Variants in KCNH7 observed in about 807,000 individuals in gnomAD.
KCNH7 encodes voltage-gated inwardly rectifying potassium channel KCNH7.
Under a neutral mutation model 120.8 loss-of-function variants are expected in KCNH7, and 49 were observed. That is an observed-to-expected ratio of 0.41 (90% CI 0.32 to 0.51). The LOEUF is 0.51. Among genes scored for constraint, KCNH7 ranks in the 20% least tolerant of loss-of-function variants. The pLI, the probability that KCNH7 is intolerant of heterozygous loss-of-function variation, is 0.38. For synonymous variants in KCNH7, 547 were observed against 516.1 expected (o/e 1.06, Z -0.81); for missense variants, 1,097 against 1,446.6 (o/e 0.76, Z 3.92).
intron 2 of KCNH7, among the ~76,000 whole-genome samples, chr2:162,828,518 T>G (rs931053808): frequency 1.3e-5 from 2 of 151,554 alleles, no homozygotes; most frequent in Non-Finnish European, 2.9e-5. Flanking sequence ...TTTCAAAAAA[T>G]GCAAAAGAAT....
At chr2:162,633,963 A>G (rs1226635506) in intron 2 of KCNH7, among the ~76,000 whole-genome samples, 1 of 152,060 alleles carries the variant, frequency 6.6e-6, no homozygotes, top group African/African-American at 2.4e-5. Context: ...TAACTTATAT[A>G]AGTTTGACAA....
intron 2 of KCNH7, among the ~76,000 whole-genome samples, chr2:162,679,271 T>C (rs1488301673): frequency 6.6e-6 from 1 of 151,670 alleles, no homozygotes; most frequent in Non-Finnish European, 1.5e-5. Flanking sequence ...TGTATTCATA[T>C]CTTCAGTCAT....
intron 5 of KCNH7, among the ~76,000 whole-genome samples, chr2:162,505,832 A>T (rs1690858273): frequency 6.6e-6 from 1 of 151,910 alleles, no homozygotes; most frequent in African/African-American, 2.4e-5. Flanking sequence ...CATTTTCGGG[A>T]TCAAAATGTA....
chr2:162,460,427 A>G (rs1280780552), intron 6 of KCNH7, among the ~76,000 whole-genome samples: 1 of 152,206 alleles, frequency 6.6e-6, no homozygotes, highest in East Asian at 1.9e-4. Flanking sequence ...TAAAAAAATA[A>G]GAAGGATGAT....
At chr2:162,603,453 T>C (rs1165326528) in intron 2 of KCNH7, among the ~76,000 whole-genome samples, 1 of 152,132 alleles carries the variant, frequency 6.6e-6, no homozygotes, top group Non-Finnish European at 1.5e-5. Flanking sequence ...AGCATTTCTG[T>C]TGTATATTTT....
At chr2:162,724,682 AAAG>A (rs916900274) in intron 2 of KCNH7, among the ~76,000 whole-genome samples, 4 of 151,654 alleles carry the variant, frequency 2.6e-5, no homozygotes, top group African/African-American at 4.9e-5. Flanking sequence ...AAAAAAAAAA[AAAG>A]AATATACTGT....
chr2:162,676,657 G>T (rs1196640378), intron 2 of KCNH7, among the ~76,000 whole-genome samples: 1 of 151,460 alleles, frequency 6.6e-6, no homozygotes, highest in Non-Finnish European at 1.5e-5. Context: ...AACTTTTGAG[G>T]CAATTTTTAA....
At chr2:162,722,894 C>G (rs1687378783) in intron 2 of KCNH7, among the ~76,000 whole-genome samples, 1 of 120,832 alleles carries the variant, frequency 8.3e-6, no homozygotes, top group Non-Finnish European at 1.6e-5. Flanking sequence ...TTAACCTAAT[C>G]TAGTCTGCTG....
intron 2 of KCNH7, among the ~76,000 whole-genome samples, chr2:162,621,260 T>TC (rs1553504002): frequency 2.2e-5 from 3 of 133,684 alleles, no homozygotes; most frequent in Non-Finnish European, 3.2e-5. Flanking sequence ...ATCTTTTTTT[T>TC]TTTTTTTTTT....
intron 2 of KCNH7, among the ~76,000 whole-genome samples, chr2:162,706,874 ATACT>A (rs1224501826): frequency 1.3e-5 from 2 of 152,140 alleles, no homozygotes; most frequent in African/African-American, 4.8e-5. Context: ...ATTTAAACCA[ATACT>A]TTATTTATTA....
intron 9 of KCNH7, among the ~76,000 whole-genome samples, chr2:162,402,167 G>A (rs1687084728): frequency 6.6e-6 from 1 of 151,226 alleles, no homozygotes; most frequent in Non-Finnish European, 1.5e-5. Flanking sequence ...TCTCCTACAT[G>A]ATAACTTGCC....
chr2:162,671,916 T>A (rs1057107179), intron 2 of KCNH7, among the ~76,000 whole-genome samples: 2 of 152,100 alleles, frequency 1.3e-5, no homozygotes, highest in Non-Finnish European at 2.9e-5. Flanking sequence ...AAAATTTAAT[T>A]CACTTTAAAC....
chr2:162,462,392 A>G (rs1689170989), intron 6 of KCNH7, among the ~76,000 whole-genome samples: 1 of 151,980 alleles, frequency 6.6e-6, no homozygotes, highest in Non-Finnish European at 1.5e-5. Flanking sequence ...TATGTCCTTT[A>G]TCGAATTTTC....
At position 162,441,999 on chromosome 2, in the gene KCNH7, CTTTTTTTTTTTTTTTT is replaced by C. The variant is rs779418084; in HGVS notation, c.1554+4003_1554+4018del. 3.2e-3 allele frequency among the ~76,000 whole-genome samples: 133 copies of C among 41,588 alleles called. 2 individuals carry two copies. The South Asian group carries it at 0.038, about 12-fold the overall frequency. The allele number at this position is 41,588 out of a possible 152,430, so 27.3% of individuals were successfully genotyped here. ...GAAAAAAATTAAATAGTTAGGTCTT[CTTTTTTTTTTTTTTTT>C]TTTTTTTTTTTTTTTTTTTGAGATG... is the stretch of plus-strand genomic sequence containing the variant. On this transcript the variant is annotated intron_variant, in intron 7 of 15. Coordinates refer to ENST00000332142, the MANE Select transcript of KCNH7 (RefSeq NM_033272.4).
At chr2:162,403,079 G>A (rs1374352550) in intron 9 of KCNH7, among the ~76,000 whole-genome samples, 1 of 151,880 alleles carries the variant, frequency 6.6e-6, no homozygotes, top group Non-Finnish European at 1.5e-5. Context: ...ATTTAAATAA[G>A]AATGTGCGTA....
chr2:162,390,134 C>T (rs1357156276), intron 12 of KCNH7, among the ~76,000 whole-genome samples: 1 of 151,770 alleles, frequency 6.6e-6, no homozygotes. Context: ...CACTTTGATA[C>T]TGTATTTTCT....
At chr2:162,765,125 A>G (rs1682737717) in intron 2 of KCNH7, among the ~76,000 whole-genome samples, 6 of 152,120 alleles carry the variant, frequency 3.9e-5, no homozygotes, top group Admixed American at 2.0e-4. Context: ...AGCTGCTACT[A>G]ACACCAACAT....
chr2:162,436,710 ACAC>A (rs1688250755), intron 7 of KCNH7, among the ~76,000 whole-genome samples: 1 of 152,202 alleles, frequency 6.6e-6, no homozygotes, highest in Non-Finnish European at 1.5e-5. Context: ...TACATTAAGA[ACAC>A]TTATATCTTA....
rs140475737 is a variant in KCNH7 at position 162,578,217 on chromosome 2, A to G, written c.308-41137T>C. On this transcript the variant is annotated intron_variant, in intron 2 of 15. Transcript: ENST00000332142. ...AACGCTAGCTGAGACAATACCAAAG[A>G]GGGGGAAATGAAAGTAACATTTATG... 3.4e-3 allele frequency among the ~76,000 whole-genome samples: 515 copies of G among 152,112 alleles called. 3 individuals are homozygous for G. Among genetic ancestry groups the G allele is most frequent in the Non-Finnish European group, 5.3e-3 (360 of 67,982 alleles).
Sources: allele counts gnomAD v4.1 joint callset (sites outside exome capture counted in the v4.1 genomes callset), GRCh38; gene constraint gnomAD v4.1.1; transcripts MANE v1.5; gene names NCBI Gene and HGNC (gene_info 2026-07-23, HGNC 2026-07-21).